PTPN4: variants seen among roughly 807,000 people sequenced by gnomAD.
The protein encoded by PTPN4 is tyrosine-protein phosphatase non-receptor type 4.
Under a neutral mutation model 135.5 loss-of-function variants are expected in PTPN4, and 49 were observed. That is an observed-to-expected ratio of 0.36 (90% CI 0.29 to 0.46). The LOEUF is 0.46. Ranked by LOEUF, PTPN4 falls within the 20% of genes least tolerant of loss-of-function variation. PTPN4 has a pLI of 1.00. For missense variants in PTPN4, 860 were observed against 1,101.0 expected, an observed-to-expected ratio of 0.78 and a Z score of 3.10; for synonymous variants, 333 against 369.9, an observed-to-expected ratio of 0.90 and a Z score of 1.14.
intron 2 of PTPN4, among the ~76,000 whole-genome samples, chr2:119,840,310 G>T (rs181001019): frequency 5.9e-5 from 9 of 152,248 alleles, no homozygotes; most frequent in African/African-American, 2.2e-4. Context: ...CCTTCCTTGT[G>T]TCCCTGTGTT....
At chr2:119,794,997 C>G (rs1047032419) in intron 1 of PTPN4, among the ~76,000 whole-genome samples, 1 of 152,170 alleles carries the variant, frequency 6.6e-6, no homozygotes, top group Non-Finnish European at 1.5e-5. Flanking sequence ...AGCTGGCTAT[C>G]CCATTGTTTC....
intron 1 of PTPN4, among the ~76,000 whole-genome samples, chr2:119,778,919 T>G (rs1690887520): frequency 6.6e-6 from 1 of 151,942 alleles, no homozygotes; most frequent in Non-Finnish European, 1.5e-5. Flanking sequence ...CAGGAATACT[T>G]TGTTGTCGTA....
At chr2:119,895,186 T>C (rs1290219948) in intron 9 of PTPN4, among the ~76,000 whole-genome samples, 1 of 152,192 alleles carries the variant, frequency 6.6e-6, no homozygotes, top group Non-Finnish European at 1.5e-5. Context: ...GTATATTGTT[T>C]TGAAATTGTT....
chr2:119,882,458 A>T (rs771338471), intron 7 of PTPN4, 45 bp from the exon 8 acceptor site: 9 of 1,432,610 alleles, frequency 6.3e-6, no homozygotes, highest in Non-Finnish European at 9.4e-7. Flanking sequence ...ATAATAATTT[A>T]AAAATTTGTT....
Position 119,965,538 on chromosome 2 carries a change from C to G in PTPN4, c.2451C>G (p.Ala817=), listed in dbSNP as rs1679434066. ...SRPLTQIQYI[A]WPDHGVPDDS... is the part of the protein sequence containing the mutation. ...CACTCACTCAGATCCAGTACATAGC[C>G]TGGCCTGACCATGGAGTCCCTGATG... Residue 817 remains alanine (A), a synonymous_variant, in exon 25 of 27, where the codon GCC becomes GCG. Coordinates refer to ENST00000263708, the MANE Select transcript of PTPN4 (RefSeq NM_002830.4). 6.2e-7 allele frequency: 1 copy of G among 1,613,636 alleles called. No individual in the cohort carries two copies. The highest frequency in any genetic ancestry group is 2.2e-5 in the East Asian group (1 of 44,884).
At chr2:119,784,919 C>G (rs907886784) in intron 1 of PTPN4, among the ~76,000 whole-genome samples, 14 of 148,582 alleles carry the variant, frequency 9.4e-5, no homozygotes. Flanking sequence ...AGTCTGGGTT[C>G]CTCATCCTTT....
rs1679676896 is a variant in PTPN4 at position 119,980,519 on chromosome 2, T to C, written c.*3449T>C. The C allele has an allele frequency of 6.6e-6, 1 of 152,026 alleles. No individual in the cohort carries two copies. The highest frequency in any genetic ancestry group is 6.6e-5 in the Admixed American group (1 of 15,228). The allele number at this position is 152,026 out of a possible 1,614,324, so 9.4% of individuals were successfully genotyped here. A position where few individuals can be genotyped will look rare whatever the true frequency, so the allele number is the denominator to read the frequency against. On this transcript the variant is annotated 3_prime_UTR_variant, in exon 27 of 27. Coordinates refer to ENST00000263708, the MANE Select transcript of PTPN4 (RefSeq NM_002830.4). ...AGCAATGGTTATTGATTTAGCAGTCTGGTCTTATATGATCTGCTTTCTAAT... is the reference window on the plus strand; with the variant it reads ...AGCAATGGTTATTGATTTAGCAGTCCGGTCTTATATGATCTGCTTTCTAAT...
chr2:119,909,773 T>C (rs1678541228), intron 10 of PTPN4, among the ~76,000 whole-genome samples: 1 of 152,038 alleles, frequency 6.6e-6, no homozygotes. Flanking sequence ...TAACCGGAAT[T>C]TTGAAGAAAT....
At chr2:119,773,379 G>A (rs1690769759) in intron 1 of PTPN4, among the ~76,000 whole-genome samples, 1 of 151,732 alleles carries the variant, frequency 6.6e-6, no homozygotes, top group Non-Finnish European at 1.5e-5. Flanking sequence ...TTGGAGGTTT[G>A]GGACGATTTG....
chr2:119,920,309 A>G (rs1307651416), intron 12 of PTPN4, 68 bp downstream of exon 12: 3 of 1,465,608 alleles, frequency 2.0e-6, no homozygotes, highest in Non-Finnish European at 2.8e-6. Flanking sequence ...ATAAAGATGT[A>G]GTTTATGGAA....
At chr2:119,837,959 C>T (rs1430198153) in intron 2 of PTPN4, among the ~76,000 whole-genome samples, 3 of 152,230 alleles carry the variant, frequency 2.0e-5, no homozygotes, top group East Asian at 1.9e-4. Flanking sequence ...ACACACCCCT[C>T]GCTGCTCCGC....
At chr2:119,873,196 T>TG (rs1677938848) in intron 3 of PTPN4, among the ~76,000 whole-genome samples, 1 of 151,898 alleles carries the variant, frequency 6.6e-6, no homozygotes, top group African/African-American at 2.4e-5. Flanking sequence ...TTGTTGTTGT[T>TG]TTTTTTGTAG....
At chr2:119,964,055 T>G (rs1446915630) in intron 24 of PTPN4, among the ~76,000 whole-genome samples, 2 of 152,226 alleles carry the variant, frequency 1.3e-5, no homozygotes, top group African/African-American at 4.8e-5. Context: ...TGATAGCAGA[T>G]ACTACCTCAA....
chr2:119,784,600 G>A (rs941715199), intron 1 of PTPN4, among the ~76,000 whole-genome samples: 90 of 151,674 alleles, frequency 5.9e-4, no homozygotes, highest in African/African-American at 1.8e-3. Context: ...TGTTAGCCAG[G>A]ATGGTCTCGA....
chr2:119,886,713 C>CA (rs1409828465), intron 9 of PTPN4, among the ~76,000 whole-genome samples: 3 of 152,212 alleles, frequency 2.0e-5, no homozygotes, highest in Non-Finnish European at 4.4e-5. Context: ...TGTTAATACT[C>CA]AGACACTCAC....
intron 11 of PTPN4, 63 bp downstream of exon 11, chr2:119,915,305 C>T (rs1304237444): frequency 7.5e-7 from 1 of 1,327,676 alleles, no homozygotes; most frequent in Non-Finnish European, 1.0e-6. Context: ...CCATTCATGA[C>T]AGAACTTTTC....
At chr2:119,949,944 T>G (rs951869390) in intron 18 of PTPN4, among the ~76,000 whole-genome samples, 1 of 152,112 alleles carries the variant, frequency 6.6e-6, no homozygotes, top group Non-Finnish European at 1.5e-5. Context: ...TCTGTATGTG[T>G]GTATATATAC....
chr2:119,915,914 T>A (rs1336030517), intron 11 of PTPN4: 1 of 152,042 alleles, frequency 6.6e-6, no homozygotes, highest in Non-Finnish European at 1.5e-5. Context: ...TTTGGGGCTG[T>A]CCTCAGTGGC....
rs1679646755 is a variant in PTPN4, at chr2:119,978,337, T to C, written c.*1267T>C. On this transcript the variant is annotated 3_prime_UTR_variant, in exon 27 of 27. Transcript: ENST00000263708. The stretch of plus-strand genomic sequence containing the variant: ...AGTTAATATCAAGCTTTGTTCACAC[T>C]GATATATTGATTGGGATTCTTCAAA... 6.6e-6 allele frequency: 1 copy of C among 152,204 alleles called. No homozygotes were observed. Among genetic ancestry groups the C allele is most frequent in the East Asian group, 1.9e-4 (1 of 5,198 alleles). The allele number at this position is 152,204 out of a possible 1,614,324, so 9.4% of individuals were successfully genotyped here. A position where few individuals can be genotyped will look rare whatever the true frequency, so the allele number is the denominator to read the frequency against.
Sources: allele counts gnomAD v4.1 joint callset (sites outside exome capture counted in the v4.1 genomes callset), GRCh38; gene constraint gnomAD v4.1.1; transcripts MANE v1.5; gene names NCBI Gene and HGNC (gene_info 2026-07-23, HGNC 2026-07-21).